Variants in TIAM1 observed in about 807,000 individuals in gnomAD.
TIAM1 encodes the protein rho guanine nucleotide exchange factor TIAM1.
In TIAM1, 65 loss-of-function variants were observed where a neutral mutation model predicts 163.5. That is an observed-to-expected ratio of 0.40 (90% confidence interval 0.33 to 0.49). The LOEUF (loss-of-function observed/expected upper bound fraction) is 0.49, where lower values mean the gene tolerates loss of function less well. TIAM1 is among the 20% of genes least tolerant of loss of function. TIAM1 has a pLI of 0.77. For synonymous variants in TIAM1, 833 were observed against 810.1 expected, an observed-to-expected ratio of 1.03 and a Z score of -0.48; for missense variants, 1,789 against 2,044.7, an observed-to-expected ratio of 0.87 and a Z score of 2.41.
intron 2 of TIAM1, among the ~76,000 whole-genome samples, chr21:31,442,070 A>ATATATATATATATATATATAT (rs2044441960): frequency 1.9e-4 from 10 of 53,242 alleles, no homozygotes; most frequent in South Asian, 9.8e-4. Flanking sequence ...CAAATAAATA[A>ATATATATATATATATATATAT]ATATATATAT....
intron 2 of TIAM1, among the ~76,000 whole-genome samples, chr21:31,361,837 T>TTAGATAGATAGATAGATAGA (rs75126984): frequency 3.3e-4 from 49 of 147,596 alleles, no homozygotes; most frequent in East Asian, 4.1e-4. Flanking sequence ...GGAAGAAAGA[T>TTAGATAGATAGATAGATAGA]TAGATAGATA....
chr21:31,422,308 A>G (rs2043606327), intron 2 of TIAM1, among the ~76,000 whole-genome samples: 1 of 152,224 alleles, frequency 6.6e-6, no homozygotes, highest in Non-Finnish European at 1.5e-5. Flanking sequence ...CGTATCAAGG[A>G]TGGAAGATAC....
intron 2 of TIAM1, among the ~76,000 whole-genome samples, chr21:31,366,045 C>T (rs1482742914): frequency 2.7e-5 from 4 of 145,714 alleles, no homozygotes; most frequent in African/African-American, 1.0e-4. Context: ...CGAGGTAGCT[C>T]CACTGCACTC....
intron 2 of TIAM1, among the ~76,000 whole-genome samples, chr21:31,462,031 G>A (rs751406980): frequency 5.9e-5 from 9 of 152,190 alleles, no homozygotes; most frequent in Admixed American, 2.6e-4. Context: ...TACTAAGACT[G>A]AACAATGTGT....
At chr21:31,522,850 C>T (rs2047651844) in intron 1 of TIAM1, among the ~76,000 whole-genome samples, 1 of 152,162 alleles carries the variant, frequency 6.6e-6, no homozygotes, top group African/African-American at 2.4e-5. Flanking sequence ...ATTTTTTTCT[C>T]ATATCTAACA....
chr21:31,252,102 T>C lies in TIAM1; in HGVS notation c.1051A>G (p.Asn351Asp), dbSNP rs367827007. ...TDTDLLSRRS[N>D]ATNSSYSPTT... ...GGTGAGTAGCTGGAGTTGGTGGCAT[T>C]AGATCGCCTGGACAGGAGGTCCGTG... The change falls in exon 5 of 28, where the codon AAT (asparagine) becomes GAT (aspartate). Residue 351 changes from asparagine to aspartate, a missense_variant. Asn to Asp is a conservative substitution (Grantham distance 23). Around this residue, in one of 5 missense-constraint regions of TIAM1, gnomAD observed 555 missense variants for 564.9 expected, o/e 0.98. Transcript: ENST00000541036. 6.2e-6 allele frequency: 10 copies of C among 1,613,784 alleles called. No homozygotes were observed. The highest frequency in any genetic ancestry group is 3.3e-4 in the Middle Eastern group (2 of 6,062).
At chr21:31,215,172 A>T (rs1241647403) in intron 9 of TIAM1, among the ~76,000 whole-genome samples, 2 of 152,292 alleles carry the variant, frequency 1.3e-5, no homozygotes, top group East Asian at 3.9e-4. Context: ...CCAATCAAGC[A>T]GAAGCACATG....
intron 2 of TIAM1, among the ~76,000 whole-genome samples, chr21:31,463,037 G>A (rs2045392219): frequency 6.6e-6 from 1 of 152,076 alleles, no homozygotes; most frequent in African/African-American, 2.4e-5. Context: ...GAGCCACCGC[G>A]CCCAGCCAGC....
chr21:31,186,767 C>A (rs909577792), intron 14 of TIAM1, among the ~76,000 whole-genome samples: 1 of 151,672 alleles, frequency 6.6e-6, no homozygotes, highest in Non-Finnish European at 1.5e-5. Context: ...GGTGATAGAG[C>A]AAGACCTTGT....
intron 2 of TIAM1, among the ~76,000 whole-genome samples, chr21:31,281,141 T>C (rs182953177): frequency 2.7e-4 from 41 of 150,246 alleles, no homozygotes; most frequent in Non-Finnish European, 4.6e-4. Context: ...TAAGGGAAAT[T>C]CTGTCATTTT....
chr21:31,474,765 C>T (rs1480760657), intron 1 of TIAM1, among the ~76,000 whole-genome samples: 1 of 151,844 alleles, frequency 6.6e-6, no homozygotes, highest in Non-Finnish European at 1.5e-5. Context: ...AGGCTGGTCT[C>T]GAACTCCCGA....
Position 31,451,178 on chromosome 21 carries a change from A to G in TIAM1, c.-369+12805T>C, listed in dbSNP as rs371508496. On this transcript the variant is annotated intron_variant, in intron 2 of 28. Coordinates refer to the TIAM1 transcript ENST00000286827. ...AGCAATATGCGGCTCCGAGGCCAGC[A>G]TAAATCAGGCCCAGAGCCACAGGTG... Among the ~76,000 whole-genome samples the G allele has an allele frequency of 9.9e-5, 15 of 152,224 alleles. 2 individuals are homozygous for G. The South Asian group carries it at 2.7e-3, about 27-fold the overall frequency.
At position 31,365,555 on chromosome 21, in the gene TIAM1, A is replaced by AT. The variant is rs938275036; in HGVS notation, c.-368-26134dup. On this transcript the variant is annotated intron_variant, in intron 2 of 28. Coordinates refer to the TIAM1 transcript ENST00000286827. The stretch of plus-strand genomic sequence containing the variant: ...AGGCACCCGCCACCACGCCTGGCTA[A>AT]TTTTTTGTATTTTTTAGTAGAGATG... Among the ~76,000 whole-genome samples the AT allele has an allele frequency of 5.3e-5, 8 of 151,070 alleles. 1 individual carries two copies. Among genetic ancestry groups the AT allele is most frequent in the Admixed American group, 4.6e-4 (7 of 15,188 alleles).
At chr21:31,349,727 G>A (rs867990612) in intron 2 of TIAM1, among the ~76,000 whole-genome samples, 1 of 152,122 alleles carries the variant, frequency 6.6e-6, no homozygotes, top group African/African-American at 2.4e-5. Flanking sequence ...GTATCCCATC[G>A]GGGAGGCCTC....
intron 19 of TIAM1, among the ~76,000 whole-genome samples, chr21:31,149,606 C>G (rs1279941203): frequency 1.3e-5 from 2 of 152,124 alleles, no homozygotes; most frequent in East Asian, 3.9e-4. Flanking sequence ...GAACCAGCCC[C>G]ACAGCAAAAG....
intron 4 of TIAM1, among the ~76,000 whole-genome samples, chr21:31,265,194 T>A (rs2072685302): frequency 6.7e-6 from 1 of 148,856 alleles, no homozygotes; most frequent in Non-Finnish European, 1.5e-5. Context: ...GAAAACACTT[T>A]CAAAATCTTT....
rs192376957 is a variant in TIAM1, at chr21:31,386,785, G to A, written c.-368-47363C>T. Among the ~76,000 whole-genome samples the A allele has an allele frequency of 2.0e-5, 3 of 152,314 alleles. No homozygotes were observed. The East Asian group carries it at 5.8e-4, about 29-fold the overall frequency. ...GCCAGAGAGAGGTGACTGAAACAAG[G>A]TTTTGCTTCAAGAGGGAATCCATAA... On this transcript the variant is annotated intron_variant, in intron 2 of 28. Coordinates refer to the TIAM1 transcript ENST00000286827.
At chr21:31,236,159 G>A (rs1383298723) in intron 6 of TIAM1, among the ~76,000 whole-genome samples, 3 of 152,162 alleles carry the variant, frequency 2.0e-5, no homozygotes, top group Admixed American at 6.5e-5. Flanking sequence ...CTAGTGAGTC[G>A]CACCCACCAG....
chr21:31,539,131 C>G (rs1018047523), intron 1 of TIAM1, among the ~76,000 whole-genome samples: 3 of 152,192 alleles, frequency 2.0e-5, no homozygotes, highest in Non-Finnish European at 4.4e-5. Flanking sequence ...AGAGCACACA[C>G]ACACCACATA....
Sources: allele counts gnomAD v4.1 joint callset (sites outside exome capture counted in the v4.1 genomes callset), GRCh38; gene constraint gnomAD v4.1.1; regional missense constraint gnomAD v4.1.1; transcripts MANE v1.5; gene names NCBI Gene and HGNC (gene_info 2026-07-23, HGNC 2026-07-21).